The following BDH2 variants were observed in gnomAD, a reference collection of about 807,000 sequenced individuals.
BDH2 encodes the protein dehydrogenase/reductase SDR family member 6.
BDH2 carries 24 observed loss-of-function variants against 33.2 expected under a neutral mutation model. The observed-to-expected ratio is 0.72, with a 90% confidence interval of 0.52 to 1.02. The LOEUF (loss-of-function observed/expected upper bound fraction) is 1.02, where lower values mean the gene tolerates loss of function less well. Ranked by LOEUF, BDH2 falls within the 50% of genes least tolerant of loss-of-function variation. The probability of loss-of-function intolerance (pLI) is 0.00; values close to 1 mark genes in which losing one functional copy is unlikely to be tolerated. For missense variants in BDH2, 249 were observed against 301.6 expected (o/e 0.83, Z 1.29); for synonymous variants, 81 against 101.6 (o/e 0.80, Z 1.22).
At chr4:103,097,177 T>A (rs1748452049) in intron 1 of BDH2, among the ~76,000 whole-genome samples, 1 of 152,080 alleles carries the variant, frequency 6.6e-6, no homozygotes, top group African/African-American at 2.4e-5. Flanking sequence ...ACATGCCCAA[T>A]GTCATAGAGC....
At chr4:103,087,354 G>GAAGAAA (rs1274698077) in intron 5 of BDH2, among the ~76,000 whole-genome samples, 2 of 152,198 alleles carry the variant, frequency 1.3e-5, no homozygotes, top group Non-Finnish European at 2.9e-5. Flanking sequence ...GGCATGTTCA[G>GAAGAAA]ACTTGGGGAT....
chr4:103,091,756 A>G (rs1225816155), intron 4 of BDH2: 1 of 454,992 alleles, frequency 2.2e-6, no homozygotes, highest in Middle Eastern at 3.3e-4. Context: ...GAAAAAAAAA[A>G]GAGAGAGAGA....
At chr4:103,092,766 T>C in intron 3 of BDH2, 70 bp from the exon 4 acceptor site, 3 of 1,094,038 alleles carry the variant, frequency 2.7e-6, no homozygotes, top group Non-Finnish European at 4.2e-6. Flanking sequence ...TTTTGAAGTG[T>C]GAAGTGTGAA....
chr4:103,079,970 GTGTCTAAGCACCTGTCACTGT>G (rs1416753535), intron 9 of BDH2, among the ~76,000 whole-genome samples: 1 of 152,178 alleles, frequency 6.6e-6, no homozygotes, highest in African/African-American at 2.4e-5. Context: ...CCTCTGGCTG[GTGTCTAAGCACCTGTCACTGT>G]TAGGTATTTG....
intron 5 of BDH2, among the ~76,000 whole-genome samples, chr4:103,089,440 C>A (rs2110707126): frequency 6.7e-6 from 1 of 148,232 alleles, no homozygotes; most frequent in Admixed American, 6.7e-5. Context: ...ATACCATATT[C>A]CTGCCATTAA....
intron 5 of BDH2, among the ~76,000 whole-genome samples, chr4:103,088,115 AAAT>A (rs1747886123): frequency 1.3e-5 from 2 of 152,178 alleles, no homozygotes; most frequent in Admixed American, 6.5e-5. Context: ...GCAGGGGAAA[AAAT>A]AATGTTTAAC....
chr4:103,080,876 T>G (rs1210721880), intron 9 of BDH2, among the ~76,000 whole-genome samples: 2 of 152,042 alleles, frequency 1.3e-5, no homozygotes, highest in Non-Finnish European at 2.9e-5. Context: ...TCATTAAACA[T>G]TTGTCTATTA....
chr4:103,094,113 T>C (rs1467232966), intron 3 of BDH2, among the ~76,000 whole-genome samples: 1 of 152,148 alleles, frequency 6.6e-6, no homozygotes, highest in Non-Finnish European at 1.5e-5. Flanking sequence ...GGTGAAGAAG[T>C]GGTGGTACAC....
chr4:103,086,273 CCCA>C lies in BDH2; in HGVS notation c.418+204_418+206del, dbSNP rs1284775107. The C allele has an allele frequency of 2.2e-5, 28 of 1,297,206 alleles. No homozygotes were observed. The South Asian group carries it at 5.6e-4, about 26-fold the overall frequency. 80.4% of individuals were successfully genotyped at this position (1,297,206 alleles called of 1,614,324 possible). On this transcript the variant is annotated intron_variant, in intron 6 of 9. Coordinates refer to ENST00000296424, the MANE Select transcript of BDH2 (RefSeq NM_020139.4). ...AGAATAAAAGGGAGGGCAAAAATAC[CCCA>C]CATTTTAATTTAATTTTACCACTGG...
At chr4:103,089,870 T>G (rs1747991429) in intron 5 of BDH2, among the ~76,000 whole-genome samples, 1 of 152,238 alleles carries the variant, frequency 6.6e-6, no homozygotes, top group Admixed American at 6.5e-5. Context: ...AAAAATTTGC[T>G]AGTTCAACAT....
At chr4:103,086,567 A>C in intron 5 of BDH2, 27 bp from the exon 6 acceptor site, 1 of 1,574,490 alleles carries the variant, frequency 6.4e-7, no homozygotes, top group Non-Finnish European at 8.6e-7. Flanking sequence ...AATACAAAAA[A>C]AAAAAAATCC....
At position 103,079,429 on chromosome 4, in the gene BDH2, G is replaced by A. The variant is rs183880777; in HGVS notation, c.*273C>T. 78 of 400,326 alleles carry A rather than the reference G, an allele frequency of 1.9e-4. 1 individual carries two copies. The East Asian group carries it at 3.4e-3, about 18-fold the overall frequency. 24.8% of individuals were successfully genotyped at this position (400,326 alleles called of 1,614,324 possible). A position where few individuals can be genotyped will look rare whatever the true frequency, so the allele number is the denominator to read the frequency against. On this transcript the variant is annotated 3_prime_UTR_variant, in exon 10 of 10. Coordinates refer to ENST00000296424, the MANE Select transcript of BDH2 (RefSeq NM_020139.4). ...TGTTATAGCAGCCCAAAGTGACTAAGACAGATGCTAACAAATCGAGATTTA... is the reference window on the plus strand; with the variant it reads ...TGTTATAGCAGCCCAAAGTGACTAAAACAGATGCTAACAAATCGAGATTTA...
chr4:103,086,479 C>G lies in BDH2; in HGVS notation c.418+1G>C, dbSNP rs758382375. On this transcript the variant is annotated splice_donor_variant, in intron 6 of 9. Transcript: ENST00000296424. LOFTEE classifies it high-confidence loss of function. Reference sequence around the variant, plus strand: ...CAGTCCTCGGAAGGAGACAGACCCACCTTTGACGCTGGAAGCCACAGAAGA... The same window carrying G: ...CAGTCCTCGGAAGGAGACAGACCCAGCTTTGACGCTGGAAGCCACAGAAGA... The G allele has an allele frequency of 1.2e-6, 2 of 1,612,670 alleles. No individual in the cohort carries two copies. Among genetic ancestry groups the G allele is most frequent in the African/African-American group, 2.7e-5 (2 of 74,806 alleles).
intron 1 of BDH2, 138 bp from the exon 2 acceptor site, chr4:103,096,412 T>C: frequency 7.5e-6 from 4 of 532,314 alleles, no homozygotes; most frequent in Non-Finnish European, 1.4e-5. Context: ...ACAGCACCTC[T>C]GTGCAAGTAG....
chr4:103,093,457 T>C (rs1029512121), intron 3 of BDH2, among the ~76,000 whole-genome samples: 2 of 151,824 alleles, frequency 1.3e-5, no homozygotes, highest in African/African-American at 4.8e-5. Context: ...ACCTGAGAGA[T>C]ACACACTGCA....
rs780526533 is a variant in BDH2, at chr4:103,092,695, A to G, written c.153T>C (p.Gly51=). The G allele has an allele frequency of 1.4e-5, 22 of 1,605,868 alleles. No individual in the cohort carries two copies. The highest frequency in any genetic ancestry group is 1.8e-5 in the Non-Finnish European group (21 of 1,172,812). ...SKLQELEKYP[G]IQTRVLDVTK... The stretch of plus-strand genomic sequence containing the variant: ...TGACATCAAGGACACGAGTTTGAAT[A>G]CCTGAAAAATAAAACAAGAGGCACT... Residue 51 remains glycine, a splice_region_variant and synonymous_variant, in exon 4 of 10, where the codon GGT becomes GGC. Transcript: ENST00000296424.
chr4:103,083,553 A>T (rs1747622578), intron 7 of BDH2, among the ~76,000 whole-genome samples: 1 of 152,270 alleles, frequency 6.6e-6, no homozygotes, highest in East Asian at 1.9e-4. Flanking sequence ...TTACTTTAAA[A>T]AAGAAAAATA....
intron 9 of BDH2, among the ~76,000 whole-genome samples, chr4:103,081,423 G>A (rs1309291299): frequency 1.3e-5 from 2 of 152,018 alleles, no homozygotes; most frequent in African/African-American, 2.4e-5. Context: ...TCAGCCTCCC[G>A]AGTAGCTGGG....
rs908481125 is a variant in BDH2, at chr4:103,077,718, G to C, written c.*1984C>G. Among the ~76,000 whole-genome samples the C allele has an allele frequency of 3.9e-5, 6 of 152,138 alleles. No individual in the cohort carries two copies. The highest frequency in any genetic ancestry group is 1.4e-4 in the African/African-American group (6 of 41,416). ...AAAGTATTTCATGACATACTTGTAA[G>C]AGTCAGTGTTCTATGAATTCACTAG... On this transcript the variant is annotated 3_prime_UTR_variant, in exon 10 of 10. Transcript: ENST00000296424.
Sources: gnomAD v4.1 joint callset for allele counts (sites outside exome capture counted in the v4.1 genomes callset) on GRCh38, gnomAD v4.1.1 for gene constraint, MANE v1.5 for transcripts, NCBI Gene and HGNC (gene_info 2026-07-23, HGNC 2026-07-21) for gene names.